IGSF9: variants seen among roughly 807,000 people sequenced by gnomAD.
The protein encoded by IGSF9 is immunoglobulin superfamily member 9.
IGSF9 carries 87 observed loss-of-function variants against 121.7 expected under a neutral mutation model. That is an observed-to-expected ratio of 0.71 (90% CI 0.60 to 0.85). IGSF9 has a LOEUF of 0.85. IGSF9 is among the 40% of genes least tolerant of loss of function. The pLI is 0.00. For synonymous variants in IGSF9, 640 were observed against 648.4 expected, an observed-to-expected ratio of 0.99 and a Z score of 0.20; for missense variants, 1,462 against 1,565.3, an observed-to-expected ratio of 0.93 and a Z score of 1.11.
Position 159,936,502 on chromosome 1 carries a change from C to G in IGSF9, c.570G>C (p.Thr190=). 1 of 1,613,972 alleles carries G rather than the reference C, an allele frequency of 6.2e-7. No homozygotes were observed. The highest frequency in any genetic ancestry group is 8.5e-7 in the Non-Finnish European group (1 of 1,179,954). Residue 190 remains threonine (T), a synonymous_variant, in exon 6 of 21, where the codon ACG becomes ACC. Transcript: ENST00000368094. ...CTCGCTCTACCCGGCGGATCCGCAG[C>G]GTCCCGTTCTGCACCTAGGGAAGGA... ...GQGQVQVQNG[T]LRIRRVERGS...
chr1:159,943,085 T>C lies in IGSF9; in HGVS notation c.125A>G (p.Asp42Gly). 6.2e-7 allele frequency: 1 copy of C among 1,612,400 alleles called. No individual in the cohort carries two copies. The highest frequency in any genetic ancestry group is 8.5e-7 in the Non-Finnish European group (1 of 1,179,316). Residue 42 changes from aspartate to glycine, a missense_variant, in exon 3 of 21, where the codon GAC becomes GGC. Asp to Gly is a moderately conservative substitution (Grantham distance 94, BLOSUM62 -1). Coordinates refer to ENST00000368094, the MANE Select transcript of IGSF9 (RefSeq NM_001135050.2). ...GGGCCGGCCGGCCGGGGGCAGCAGG[T>C]CACAGCCCAGCACCACACTCTCCCC... The part of the protein sequence containing the change: ...RAGESVVLGC[D>G]LLPPAGRPPL...
In IGSF9 at chr1:159,937,679, T is replaced by A. The variant is rs1371458380; in HGVS notation, c.400+7A>T. 3 of 1,612,334 alleles carry A rather than the reference T, an allele frequency of 1.9e-6. No homozygotes were observed. Among genetic ancestry groups the A allele is most frequent in the East Asian group, 2.2e-5 (1 of 44,838 alleles). Reference sequence around the variant, plus strand: ...CCTTCTCCACCACCTGCCCCCCAGCTTCATACAATTGACTGTCAGATGCAC... The same window carrying A: ...CCTTCTCCACCACCTGCCCCCCAGCATCATACAATTGACTGTCAGATGCAC... On this transcript the variant is annotated splice_region_variant and intron_variant, in intron 4 of 20. Coordinates refer to ENST00000368094, the MANE Select transcript of IGSF9 (RefSeq NM_001135050.2).
At position 159,929,995 on chromosome 1, in the gene IGSF9, C is replaced by G; in HGVS notation, c.2065-20G>C. On this transcript the variant is annotated intron_variant, in intron 15 of 20. Transcript: ENST00000368094. The stretch of plus-strand genomic sequence containing the variant: ...AACATCCTGCGATGGGGATGGGGTA[C>G]CAGGAGGGAGGTCAGGGCCCAGCAC... 1.9e-6 allele frequency: 3 copies of G among 1,592,942 alleles called. No homozygotes were observed. The highest frequency in any genetic ancestry group is 2.6e-6 in the Non-Finnish European group (3 of 1,171,126).
chr1:159,932,401 A>C lies in IGSF9; in HGVS notation c.1245+111T>G. On this transcript the variant is annotated intron_variant, in intron 10 of 20. Coordinates refer to ENST00000368094, the MANE Select transcript of IGSF9 (RefSeq NM_001135050.2). This position sits in a 1 kb window ranked among gnomAD's most constrained non-coding sequence, Gnocchi z 4.1. ...GGCCACCATGGGAAACAAACTTGGAAACCCCTCCCCATGTGTCTGCCCCAC... is the reference window on the plus strand; with the variant it reads ...GGCCACCATGGGAAACAAACTTGGACACCCCTCCCCATGTGTCTGCCCCAC... The C allele has an allele frequency of 8.6e-7, 1 of 1,162,566 alleles. No individual in the cohort carries two copies. The allele number at this position is 1,162,566 out of a possible 1,614,324, so 72.0% of individuals were successfully genotyped here. A position where few individuals can be genotyped will look rare whatever the true frequency, so the allele number is the denominator to read the frequency against.
chr1:159,941,263 G>A (rs1361267725), intron 3 of IGSF9, among the ~76,000 whole-genome samples: 1 of 152,200 alleles, frequency 6.6e-6, no homozygotes, highest in Non-Finnish European at 1.5e-5. Context: ...TATGACAGAA[G>A]AGCATTGTCC....
rs1650825478 is a variant in IGSF9 at position 159,928,326 on chromosome 1, A to G, written c.3062T>C (p.Leu1021Pro). 1 of 1,610,250 alleles carries G rather than the reference A, an allele frequency of 6.2e-7. No individual in the cohort carries two copies. Among genetic ancestry groups the G allele is most frequent in the African/African-American group, 1.3e-5 (1 of 74,920 alleles). Residue 1021 changes from leucine (L) to proline (P), a missense_variant, in exon 19 of 21, where the codon CTC (leucine) becomes CCC (proline). Leu to Pro is a moderately conservative substitution (Grantham distance 98). Around this residue, in one of 3 missense-constraint regions of IGSF9, gnomAD observed 808 missense variants for 815.2 expected, o/e 0.99. Coordinates refer to ENST00000368094, the MANE Select transcript of IGSF9 (RefSeq NM_001135050.2). Reference sequence around the variant, plus strand: ...GCCTCGCCCACTGCTCTGGCTGGTGAGGCTGCCTCGAGGGGCAGCAGGGAG... The same window carrying G: ...GCCTCGCCCACTGCTCTGGCTGGTGGGGCTGCCTCGAGGGGCAGCAGGGAG... The part of the protein sequence containing the change: ...GLLPAAPRGS[L>P]TSQSSGRGSA...
chr1:159,938,503 A>G (rs1291436683), intron 3 of IGSF9, among the ~76,000 whole-genome samples: 2 of 152,142 alleles, frequency 1.3e-5, no homozygotes, highest in African/African-American at 4.8e-5. Context: ...CAGCACAACC[A>G]GACACCTCAA....
chr1:159,934,160 G>A, intron 9 of IGSF9, 30 bp downstream of exon 9: 1 of 1,595,792 alleles, frequency 6.3e-7, no homozygotes, highest in African/African-American at 1.3e-5. Context: ...GCCAAGCTAA[G>A]ACCCTCCTTC....
intron 9 of IGSF9, 188 bp downstream of exon 9, chr1:159,934,002 C>T (rs1651093152): frequency 1.5e-6 from 1 of 654,846 alleles, no homozygotes; most frequent in Admixed American, 3.0e-5. Flanking sequence ...CCACTTTAAA[C>T]CATGGAAATT....
intron 1 of IGSF9, among the ~76,000 whole-genome samples, chr1:159,943,967 G>A (rs1248921602): frequency 6.6e-6 from 1 of 152,126 alleles, no homozygotes; most frequent in Non-Finnish European, 1.5e-5. Flanking sequence ...TTCCTCATAT[G>A]CTTGGAAAAA....
chr1:159,934,241 T>G lies in IGSF9; in HGVS notation c.1053A>C (p.Pro351=), dbSNP rs1651101687. ...CCTTGGTCCAGCTGACAAAGAGCAG[T>G]GGGGGGTTGGCACGAACCGGGCAGC... ...VIRCPVRANP[P]LLFVSWTKDG... The change falls in exon 9 of 21, where the codon CCA becomes CCC. Residue 351 remains proline (P), a synonymous_variant. Transcript: ENST00000368094. 1 of 1,613,882 alleles carries G rather than the reference T, an allele frequency of 6.2e-7. No individual in the cohort carries two copies. The highest frequency in any genetic ancestry group is 8.5e-7 in the Non-Finnish European group (1 of 1,179,952).
rs13052 is a variant in IGSF9 at position 159,927,336 on chromosome 1, C to T, written c.*9G>A. On this transcript the variant is annotated 3_prime_UTR_variant, in exon 21 of 21. Transcript: ENST00000368094. ...CATATGCCTTTTCACAGCCTCACAT[C>T]AGGGATGTTCACAGCAGAGTGGCCT... The T allele has an allele frequency of 0.55, 894,389 of 1,612,700 alleles. 251,405 individuals carry two copies. The highest frequency in any genetic ancestry group is 0.73 in the African/African-American group (54,895 of 74,880).
In IGSF9 at chr1:159,927,249, G is replaced by T; in HGVS notation, c.*96C>A. The stretch of plus-strand genomic sequence containing the variant: ...TCTGTGCCTGGGCACCAAAGGGGCA[G>T]GCAGGGGCAGTGCCCTCGTTTGAAA... On this transcript the variant is annotated 3_prime_UTR_variant, in exon 21 of 21. Coordinates refer to ENST00000368094, the MANE Select transcript of IGSF9 (RefSeq NM_001135050.2). The T allele has an allele frequency of 6.8e-7, 1 of 1,468,654 alleles. No individual in the cohort carries two copies. Among genetic ancestry groups the T allele is most frequent in the Non-Finnish European group, 9.5e-7 (1 of 1,054,036 alleles). 91.0% of individuals were successfully genotyped at this position (1,468,654 alleles called of 1,614,324 possible).
rs1194544918 is a variant in IGSF9 at position 159,931,922 on chromosome 1, G to A, written c.1252C>T (p.Pro418Ser). The A allele has an allele frequency of 6.3e-7, 1 of 1,588,904 alleles. No homozygotes were observed. ...TCCTTGGGCCGCTCTATAAAAGCTG[G>A]GGGAGCCTGCAAGCCAGATCTGGCA... is the stretch of plus-strand genomic sequence containing the variant. ...PVTRVLLKAP[P>S]AFIERPKEEY... Residue 418 changes from proline to serine, a missense_variant, in exon 11 of 21, where the codon CCA becomes TCA. Physicochemically the swap from Pro to Ser is moderately conservative, Grantham distance 74. Coordinates refer to ENST00000368094, the MANE Select transcript of IGSF9 (RefSeq NM_001135050.2). The surrounding 1 kb of genome is among the most constrained non-coding windows in gnomAD (Gnocchi z 4.8).
chr1:159,932,730 G>A lies in IGSF9; in HGVS notation c.1105-78C>T. 8 of 1,439,138 alleles carry A rather than the reference G, an allele frequency of 5.6e-6. No individual in the cohort carries two copies. Among genetic ancestry groups the A allele is most frequent in the Non-Finnish European group, 7.5e-6 (8 of 1,061,148 alleles). The allele number at this position is 1,439,138 out of a possible 1,614,324, so 89.1% of individuals were successfully genotyped here. A position where few individuals can be genotyped will look rare whatever the true frequency, so the allele number is the denominator to read the frequency against. ...CCGGGATGGCAGTACAAGAGAGGGG[G>A]CAGGATGAGAAACCCACAGCTGTGC... On this transcript the variant is annotated intron_variant, in intron 9 of 20. Transcript: ENST00000368094. The surrounding 1 kb of genome is among the most constrained non-coding windows in gnomAD (Gnocchi z 4.1).
At chr1:159,935,029 C>T (rs1006520707) in intron 6 of IGSF9, among the ~76,000 whole-genome samples, 1 of 152,206 alleles carries the variant, frequency 6.6e-6, no homozygotes, top group African/African-American at 2.4e-5. Context: ...TCCAAATTCT[C>T]TCTGTTCCAT....
rs1423822030 is a variant in IGSF9 at position 159,928,408 on chromosome 1, G to T, written c.2980C>A (p.Pro994Thr). The change falls in exon 19 of 21, where the codon CCC becomes ACC. Residue 994 changes from proline (P) to threonine (T), a missense_variant. This residue lies in a region of IGSF9 where 808 missense variants were observed against 815.2 expected (regional missense o/e 0.99). Coordinates refer to ENST00000368094, the MANE Select transcript of IGSF9 (RefSeq NM_001135050.2). ...AVVGAGATAE[P>T]PYTALADWTL... ...CAGTCAGCCAGGGCTGTGTAAGGGG[G>T]CTCTGCAGTGGCCCCAGCCCCTACC... 2 of 1,602,740 alleles carry T rather than the reference G, an allele frequency of 1.2e-6. No homozygotes were observed. The highest frequency in any genetic ancestry group is 1.3e-5 in the African/African-American group (1 of 74,838).
At position 159,943,506 on chromosome 1, in the gene IGSF9, G is replaced by A; in HGVS notation, c.-52C>T. ...CCTCCTATCCACAGGAGCCCAGATGGAGGGGCCAAGGGATGTCCTTCTGAT... is the reference window on the plus strand; with the variant it reads ...CCTCCTATCCACAGGAGCCCAGATGAAGGGGCCAAGGGATGTCCTTCTGAT... On this transcript the variant is annotated 5_prime_UTR_variant, in exon 2 of 21. Coordinates refer to ENST00000368094, the MANE Select transcript of IGSF9 (RefSeq NM_001135050.2). The A allele has an allele frequency of 6.8e-7, 1 of 1,478,580 alleles. No individual in the cohort carries two copies. The highest frequency in any genetic ancestry group is 9.0e-7 in the Non-Finnish European group (1 of 1,107,462). The allele number at this position is 1,478,580 out of a possible 1,614,324, so 91.6% of individuals were successfully genotyped here.
At chr1:159,945,115 C>T (rs1259815291) in intron 1 of IGSF9, among the ~76,000 whole-genome samples, 3 of 151,958 alleles carry the variant, frequency 2.0e-5, no homozygotes, top group African/African-American at 7.3e-5. Context: ...GCACAATCCC[C>T]CCACAATTCC....
Sources: allele counts gnomAD v4.1 joint callset (sites outside exome capture counted in the v4.1 genomes callset), GRCh38; gene constraint gnomAD v4.1.1; regional missense constraint gnomAD v4.1.1; non-coding constraint Gnocchi (gnomAD v3.1); transcripts MANE v1.5; gene names NCBI Gene and HGNC (gene_info 2026-07-23, HGNC 2026-07-21).